Variants in AUTS2 observed in about 807,000 individuals in gnomAD.
AUTS2 encodes the protein autism susceptibility gene 2 protein.
A neutral mutation model predicts 112.4 loss-of-function variants in AUTS2; 17 were observed. The observed-to-expected ratio is 0.15, with a 90% CI of 0.10 to 0.23. AUTS2 has a LOEUF of 0.23. Among genes scored for constraint, AUTS2 ranks in the 10% least tolerant of loss-of-function variants. AUTS2 has a pLI of 1.00. For synonymous variants in AUTS2, 751 were observed against 702.7 expected, an observed-to-expected ratio of 1.07 and a Z score of -1.09; for missense variants, 1,510 against 1,701.6, an observed-to-expected ratio of 0.89 and a Z score of 1.98.
chr7:70,137,208 T>G (rs1302437440), intron 4 of AUTS2, among the ~76,000 whole-genome samples: 1 of 152,194 alleles, frequency 6.6e-6, no homozygotes, highest in Non-Finnish European at 1.5e-5. Context: ...AGTATTTACA[T>G]AAGCATATTG....
At position 70,761,634 on chromosome 7, in the gene AUTS2, T is replaced by C. The variant is rs530065650; in HGVS notation, c.743-1236T>C. 5.9e-5 allele frequency among the ~76,000 whole-genome samples: 9 copies of C among 152,286 alleles called. No homozygotes were observed. In the South Asian group the frequency reaches 1.9e-3, roughly 32 times the overall value. ...TGAGTGCCCTACTGGTCTTTCGTTA[T>C]TCTGTTTTGAGATTTTTATGGAGTT... is the stretch of plus-strand genomic sequence containing the variant. On this transcript the variant is annotated intron_variant, in intron 6 of 18. Coordinates refer to ENST00000342771, the MANE Select transcript of AUTS2 (RefSeq NM_015570.4).
At chr7:70,619,778 T>C (rs1804572708) in intron 5 of AUTS2, among the ~76,000 whole-genome samples, 2 of 152,192 alleles carry the variant, frequency 1.3e-5, no homozygotes, top group African/African-American at 4.8e-5. Flanking sequence ...AATTTGCCTC[T>C]GTCAGCATTT....
chr7:70,508,177 A>C (rs1799045698), intron 5 of AUTS2, among the ~76,000 whole-genome samples: 1 of 152,164 alleles, frequency 6.6e-6, no homozygotes, highest in Admixed American at 6.5e-5. Context: ...GTTATGTCTA[A>C]ATCCTCAATA....
At chr7:70,586,365 C>T (rs1001395552) in intron 5 of AUTS2, among the ~76,000 whole-genome samples, 1 of 152,044 alleles carries the variant, frequency 6.6e-6, no homozygotes. Context: ...CTTATGTTAT[C>T]CTATACTTTT....
intron 4 of AUTS2, among the ~76,000 whole-genome samples, chr7:70,396,166 T>A (rs1794072256): frequency 6.6e-6 from 1 of 152,096 alleles, no homozygotes; most frequent in Admixed American, 6.6e-5. Flanking sequence ...AGCATCTTCA[T>A]TCATTACTCC....
intron 4 of AUTS2, among the ~76,000 whole-genome samples, chr7:70,357,681 T>C (rs544336813): frequency 6.6e-6 from 1 of 152,340 alleles, no homozygotes; most frequent in Admixed American, 6.5e-5. Context: ...CTAGACTTGA[T>C]ACTTTAGAAA....
chr7:69,619,579 G>A (rs1021582624), intron 1 of AUTS2, among the ~76,000 whole-genome samples: 3 of 152,144 alleles, frequency 2.0e-5, no homozygotes, highest in Non-Finnish European at 2.9e-5. Flanking sequence ...GTGTGGACAC[G>A]TCCGTGACTG....
chr7:70,075,222 T>C (rs980329959), intron 2 of AUTS2, among the ~76,000 whole-genome samples: 1 of 152,196 alleles, frequency 6.6e-6, no homozygotes, highest in Non-Finnish European at 1.5e-5. Context: ...GAAACTACTG[T>C]TGACTACTTG....
chr7:70,183,068 A>G (rs1411898459), intron 4 of AUTS2, among the ~76,000 whole-genome samples: 1 of 152,216 alleles, frequency 6.6e-6, no homozygotes, highest in Non-Finnish European at 1.5e-5. Flanking sequence ...AATTATATCA[A>G]AAATAGTCCC....
At chr7:70,235,319 GT>G (rs1206318961) in intron 4 of AUTS2, among the ~76,000 whole-genome samples, 1 of 151,876 alleles carries the variant, frequency 6.6e-6, no homozygotes, top group East Asian at 1.9e-4. Flanking sequence ...AAAAAAATGT[GT>G]GGAGACAGGA....
At chr7:69,917,005 C>G (rs1260679662) in intron 2 of AUTS2, among the ~76,000 whole-genome samples, 1 of 152,068 alleles carries the variant, frequency 6.6e-6, no homozygotes, top group Non-Finnish European at 1.5e-5. Flanking sequence ...TATAGAAGCC[C>G]ACACATTTTT....
chr7:69,987,778 CATT>C, intron 2 of AUTS2, among the ~76,000 whole-genome samples: 1 of 152,324 alleles, frequency 6.6e-6, no homozygotes, highest in East Asian at 1.9e-4. Context: ...ACTTTAAAAA[CATT>C]GTTTTCCAAT....
chr7:70,346,493 C>T (rs143155292), intron 4 of AUTS2, among the ~76,000 whole-genome samples: 12 of 152,212 alleles, frequency 7.9e-5, no homozygotes, highest in East Asian at 7.7e-4. Context: ...TTCTCATTTG[C>T]GGAGGAGGTT....
intron 2 of AUTS2, among the ~76,000 whole-genome samples, chr7:70,086,110 CT>C (rs990785724): frequency 6.6e-6 from 1 of 152,178 alleles, no homozygotes; most frequent in Non-Finnish European, 1.5e-5. Flanking sequence ...TTCCAACTTA[CT>C]TTTTCCTTTT....
chr7:69,660,732 A>T (rs1562792654), intron 1 of AUTS2, among the ~76,000 whole-genome samples: 1 of 152,198 alleles, frequency 6.6e-6, no homozygotes, highest in Non-Finnish European at 1.5e-5. Flanking sequence ...GGAGATCAAG[A>T]CCTTCCTGGC....
At chr7:70,764,119 T>C (rs1789751276) in intron 7 of AUTS2, among the ~76,000 whole-genome samples, 1 of 152,150 alleles carries the variant, frequency 6.6e-6, no homozygotes, top group Admixed American at 6.5e-5. Flanking sequence ...GTTTTTCTTT[T>C]GAAAACCTGG....
chr7:70,537,291 A>G (rs1800362949), intron 5 of AUTS2, among the ~76,000 whole-genome samples: 1 of 152,238 alleles, frequency 6.6e-6, no homozygotes. Context: ...GTGTGTAGCT[A>G]CATCCATCCA....
intron 2 of AUTS2, among the ~76,000 whole-genome samples, chr7:70,009,743 C>T (rs532102135): frequency 6.6e-5 from 10 of 152,214 alleles, no homozygotes; most frequent in East Asian, 1.9e-4. Flanking sequence ...TTATTATCTC[C>T]ACTTTGTATA....
chr7:70,570,445 G>A (rs1801890921), intron 5 of AUTS2, among the ~76,000 whole-genome samples: 1 of 152,176 alleles, frequency 6.6e-6, no homozygotes, highest in South Asian at 2.1e-4. Flanking sequence ...CATATTCAGT[G>A]AAGATCCTTG....
Sources: allele counts gnomAD v4.1 joint callset (sites outside exome capture counted in the v4.1 genomes callset), GRCh38; gene constraint gnomAD v4.1.1; transcripts MANE v1.5; gene names NCBI Gene and HGNC (gene_info 2026-07-23, HGNC 2026-07-21).